Variants in COL4A1 observed in about 807,000 individuals in gnomAD.
COL4A1 encodes collagen type IV alpha 1 chain.
COL4A1 carries 40 observed loss-of-function variants against 216.6 expected under a neutral mutation model. The ratio of observed to expected loss-of-function variants is 0.18; its 90% CI spans 0.14 to 0.24. The LOEUF is 0.24. Among genes scored for constraint, COL4A1 ranks in the 10% least tolerant of loss-of-function variants. The pLI is 1.00. For synonymous variants in COL4A1, 839 were observed against 810.7 expected (o/e 1.03, Z -0.59); for missense variants, 1,628 against 2,196.8 (o/e 0.74, Z 5.18).
At chr13:110,220,536 T>C (rs1880423985) in intron 2 of COL4A1, among the ~76,000 whole-genome samples, 1 of 152,226 alleles carries the variant, frequency 6.6e-6, no homozygotes, top group Non-Finnish European at 1.5e-5. Context: ...TTTTTATCTT[T>C]TGAATTTTGA....
chr13:110,299,127 G>C (rs535910802), intron 1 of COL4A1, among the ~76,000 whole-genome samples: 1 of 152,344 alleles, frequency 6.6e-6, no homozygotes, highest in African/African-American at 2.4e-5. Flanking sequence ...AGAACGGGGA[G>C]GGCCATGTTA....
At chr13:110,279,813 C>T (rs1238256490) in intron 1 of COL4A1, among the ~76,000 whole-genome samples, 1 of 152,250 alleles carries the variant, frequency 6.6e-6, no homozygotes, top group Non-Finnish European at 1.5e-5. Context: ...CTTGGCACTA[C>T]TATTCAGTGA....
At chr13:110,201,392 G>C in intron 19 of COL4A1, 46 bp downstream of exon 19, 1 of 1,307,960 alleles carries the variant, frequency 7.6e-7, no homozygotes, top group Non-Finnish European at 1.0e-6. Context: ...GAGGAGGAGA[G>C]AAGGAGGGGG....
chr13:110,198,849 G>C (rs888097828), intron 20 of COL4A1, among the ~76,000 whole-genome samples: 1 of 152,206 alleles, frequency 6.6e-6, no homozygotes, highest in Non-Finnish European at 1.5e-5. Context: ...AAAGAACAGG[G>C]ACTCATTACG....
At chr13:110,253,298 ATAAT>A (rs1278626048) in intron 1 of COL4A1, among the ~76,000 whole-genome samples, 1 of 84,542 alleles carries the variant, frequency 1.2e-5, no homozygotes, top group African/African-American at 3.7e-5. Flanking sequence ...ACATATACAT[ATAAT>A]TATATGTATT....
At chr13:110,215,391 C>A (rs1381858379) in intron 2 of COL4A1, among the ~76,000 whole-genome samples, 1 of 152,094 alleles carries the variant, frequency 6.6e-6, no homozygotes, top group Non-Finnish European at 1.5e-5. Context: ...AAAACTCTTT[C>A]TCTACTAAAA....
intron 45 of COL4A1, among the ~76,000 whole-genome samples, 171 bp downstream of exon 45, chr13:110,166,061 G>T (rs1199435216): frequency 6.6e-6 from 1 of 152,194 alleles, no homozygotes; most frequent in African/African-American, 2.4e-5. Flanking sequence ...TGGTTAAAAT[G>T]TCAACTACAG....
chr13:110,154,442 G>T (rs3825482), intron 50 of COL4A1, among the ~76,000 whole-genome samples: 21,859 of 152,298 alleles, frequency 0.14, 1,826 homozygotes, highest in Middle Eastern at 0.22. Flanking sequence ...CTTCGTGGAG[G>T]CCACGGCCAG....
At chr13:110,199,797 A>T (rs1418190931) in intron 20 of COL4A1, among the ~76,000 whole-genome samples, 1 of 152,216 alleles carries the variant, frequency 6.6e-6, no homozygotes, top group Non-Finnish European at 1.5e-5. Context: ...TAAGGGTTAG[A>T]TAAAAGGCTG....
chr13:110,223,036 A>G (rs1880579433), intron 2 of COL4A1, among the ~76,000 whole-genome samples: 1 of 152,202 alleles, frequency 6.6e-6, no homozygotes, highest in African/African-American at 2.4e-5. Context: ...CGGTCAGCCT[A>G]TAAATAATGA....
chr13:110,272,854 C>T (rs1197546351), intron 1 of COL4A1, among the ~76,000 whole-genome samples: 4 of 152,162 alleles, frequency 2.6e-5, no homozygotes, highest in African/African-American at 7.2e-5. Context: ...TCAGAACGTC[C>T]GACCCTTCAC....
rs369043061 is a variant in COL4A1, at chr13:110,247,171, A to G, written c.85-4437T>C. On this transcript the variant is annotated intron_variant, in intron 1 of 51. Transcript: ENST00000375820. The stretch of plus-strand genomic sequence containing the variant: ...TGAAAGTCCTTTTAGCCTCTTCCCC[A>G]TAGACCATGTGGCCTACAGAGTATA... 2.6e-5 allele frequency among the ~76,000 whole-genome samples: 4 copies of G among 152,304 alleles called. No homozygotes were observed. In the East Asian group the frequency reaches 5.8e-4, roughly 22 times the overall value.
At chr13:110,160,497 A>G (rs1399456511) in intron 49 of COL4A1, among the ~76,000 whole-genome samples, 2 of 152,222 alleles carry the variant, frequency 1.3e-5, no homozygotes, top group East Asian at 3.8e-4. Context: ...TCAGAAAACA[A>G]TGTCTTAAAA....
chr13:110,157,347 C>T (rs747874195), intron 49 of COL4A1, among the ~76,000 whole-genome samples: 1 of 152,216 alleles, frequency 6.6e-6, no homozygotes. Context: ...AGCTGGAAAA[C>T]TGCCACCTTT....
chr13:110,177,071 G>A lies in COL4A1; in HGVS notation c.2717-34C>T, dbSNP rs375717824. The A allele has an allele frequency of 1.1e-5, 18 of 1,611,628 alleles. No individual in the cohort carries two copies. In the African/African-American group the frequency reaches 2.0e-4, roughly 18 times the overall value. ...GAAAGAGAAGGCACTGGTGAGCCTG[G>A]GCCAGTGTCACAGAGGTGCTCAAAA... On this transcript the variant is annotated intron_variant, in intron 33 of 51. Coordinates refer to ENST00000375820, the MANE Select transcript of COL4A1 (RefSeq NM_001845.6).
At chr13:110,282,808 GCTTT>G (rs984552982) in intron 1 of COL4A1, among the ~76,000 whole-genome samples, 1 of 152,110 alleles carries the variant, frequency 6.6e-6, no homozygotes, top group African/African-American at 2.4e-5. Context: ...GTATTCACAA[GCTTT>G]CTGTCAAAAA....
chr13:110,268,099 C>T lies in COL4A1; in HGVS notation c.85-25365G>A, dbSNP rs974708882. Among the ~76,000 whole-genome samples, 2 of 152,180 alleles carry T rather than the reference C, an allele frequency of 1.3e-5. No individual in the cohort carries two copies. Among genetic ancestry groups the T allele is most frequent in the Non-Finnish European group, 2.9e-5 (2 of 68,030 alleles). ...ATTTGACTCCAGGAGGAAAGTTTGA[C>T]AGACTGCTGTTAAGCACCTACAGTA... is the stretch of plus-strand genomic sequence containing the variant. On this transcript the variant is annotated intron_variant, in intron 1 of 51. Transcript: ENST00000375820. This position sits in a 1 kb window ranked among gnomAD's most constrained non-coding sequence, Gnocchi z 4.1.
intron 2 of COL4A1, among the ~76,000 whole-genome samples, chr13:110,234,268 C>T (rs1881197786): frequency 6.6e-6 from 1 of 152,292 alleles, no homozygotes; most frequent in Non-Finnish European, 1.5e-5. Context: ...TTCACAAAGG[C>T]CGTTCCTGGC....
chr13:110,270,443 A>C (rs1313636703), intron 1 of COL4A1, among the ~76,000 whole-genome samples: 1 of 152,252 alleles, frequency 6.6e-6, no homozygotes, highest in African/African-American at 2.4e-5. Context: ...AATGGGTAAG[A>C]AAAGGAGATA....
Sources: gnomAD v4.1 joint callset for allele counts (sites outside exome capture counted in the v4.1 genomes callset) on GRCh38, gnomAD v4.1.1 for gene constraint, Gnocchi (gnomAD v3.1) non-coding constraint, MANE v1.5 for transcripts, NCBI Gene and HGNC (gene_info 2026-07-23, HGNC 2026-07-21) for gene names.